Variants in TEKT1 observed in about 807,000 individuals in gnomAD.
TEKT1 encodes the protein tektin 1.
A neutral mutation model predicts 34.8 loss-of-function variants in TEKT1; 32 were observed. The ratio of observed to expected loss-of-function variants is 0.92; its 90% CI spans 0.69 to 1.23. TEKT1 has a LOEUF of 1.23. Ranked by LOEUF, TEKT1 falls within the 50% of genes most tolerant of loss-of-function variation. The pLI is 0.00. For synonymous variants in TEKT1, 207 were observed against 199.8 expected (o/e 1.04, Z -0.30); for missense variants, 492 against 518.5 (o/e 0.95, Z 0.50).
At chr17:6,813,551 GACACACAC>G (rs34316443) in intron 5 of TEKT1, among the ~76,000 whole-genome samples, 119 of 135,178 alleles carry the variant, frequency 8.8e-4, no homozygotes, top group Middle Eastern at 3.7e-3. Context: ...GAAGAAACCA[GACACACAC>G]ACACACACAC....
At chr17:6,823,892 G>A (rs977344537) in intron 2 of TEKT1, among the ~76,000 whole-genome samples, 4 of 143,630 alleles carry the variant, frequency 2.8e-5, no homozygotes, top group South Asian at 2.2e-4. Context: ...GCGCTATCTC[G>A]GCTCACTGCA....
rs1036964928 is a variant in TEKT1 at position 6,811,729 on chromosome 17, C to T, written c.852+1102G>A. 4.6e-5 allele frequency among the ~76,000 whole-genome samples: 7 copies of T among 152,160 alleles called. No homozygotes were observed. Among genetic ancestry groups the T allele is most frequent in the African/African-American group, 1.4e-4 (6 of 41,450 alleles). ...GAGAAGGCCTGGGCTCCACTCCCAC[C>T]GTGCCGCCTTGGGGCCCTTCCCCTC... On this transcript the variant is annotated intron_variant, in intron 6 of 7. Coordinates refer to ENST00000338694, the MANE Select transcript of TEKT1 (RefSeq NM_053285.2). The surrounding 1 kb of genome is among the most constrained non-coding windows in gnomAD (Gnocchi z 4.4).
At chr17:6,816,052 C>T in intron 3 of TEKT1, 90 bp from the exon 4 acceptor site, 1 of 1,534,582 alleles carries the variant, frequency 6.5e-7, no homozygotes, top group Non-Finnish European at 8.8e-7. Flanking sequence ...GAACTATCTG[C>T]ACGACTGATT....
chr17:6,819,142 G>C (rs773668570), intron 3 of TEKT1, 51 bp downstream of exon 3: 12 of 1,578,868 alleles, frequency 7.6e-6, no homozygotes, highest in Admixed American at 3.6e-5. Context: ...TTACTACCCA[G>C]CATCTCATTT....
rs1567679582 is a variant in TEKT1, at chr17:6,815,827, G to A, written c.485+7C>T. On this transcript the variant is annotated splice_region_variant and intron_variant, in intron 4 of 7. Coordinates refer to ENST00000338694, the MANE Select transcript of TEKT1 (RefSeq NM_053285.2). ...GGAGATTTGGAGGGCAGGCCGAAGA[G>A]TCATACCGAATCTGCTCGGAAGCCT... The A allele has an allele frequency of 1.2e-6, 2 of 1,614,118 alleles. No individual in the cohort carries two copies. Among genetic ancestry groups the A allele is most frequent in the Non-Finnish European group, 1.7e-6 (2 of 1,180,020 alleles).
At chr17:6,816,973 T>C (rs1487242866) in intron 3 of TEKT1, among the ~76,000 whole-genome samples, 2 of 152,220 alleles carry the variant, frequency 1.3e-5, no homozygotes, top group African/African-American at 4.8e-5. Flanking sequence ...TGCAGCCAGA[T>C]GGACTTTTTT....
Position 6,828,304 on chromosome 17 carries a change from G to T in TEKT1, c.190+1883C>A, listed in dbSNP as rs116701514. Among the ~76,000 whole-genome samples the T allele has an allele frequency of 5.1e-3, 780 of 152,156 alleles. 8 individuals are homozygous for T. Among genetic ancestry groups the T allele is most frequent in the African/African-American group, 0.017 (710 of 41,530 alleles). ...TTATTTAGAACAGGCCTATCTACAG[G>T]GTGGTATCAATGTAAGGGTCAACCT... On this transcript the variant is annotated intron_variant, in intron 2 of 7. Coordinates refer to ENST00000338694, the MANE Select transcript of TEKT1 (RefSeq NM_053285.2).
chr17:6,826,772 T>A (rs1157707942), intron 2 of TEKT1, among the ~76,000 whole-genome samples: 1 of 151,790 alleles, frequency 6.6e-6, no homozygotes, highest in Non-Finnish European at 1.5e-5. Flanking sequence ...CTCACGTCAC[T>A]GCAAGTTCCG....
chr17:6,810,205 G>T (rs1394423716), intron 6 of TEKT1, among the ~76,000 whole-genome samples: 1 of 152,146 alleles, frequency 6.6e-6, no homozygotes, highest in African/African-American at 2.4e-5. Flanking sequence ...GTTTTAATTT[G>T]CAATTCCCTA....
chr17:6,825,250 T>C (rs1157237214), intron 2 of TEKT1, among the ~76,000 whole-genome samples: 1 of 152,192 alleles, frequency 6.6e-6, no homozygotes, highest in African/African-American at 2.4e-5. Flanking sequence ...GAAGACTAAG[T>C]GATCATTAGA....
In TEKT1 at chr17:6,815,863, A is replaced by C. The variant is rs1976998216; in HGVS notation, c.456T>G (p.Arg152=). The C allele has an allele frequency of 6.2e-7, 1 of 1,614,098 alleles. No homozygotes were observed. Among genetic ancestry groups the C allele is most frequent in the Non-Finnish European group, 8.5e-7 (1 of 1,180,040 alleles). ...IIQGIMALLT[R]TLEEASEQIR... ...TCTGCTCGGAAGCCTCCTCCAAGGT[A>C]CGGGTCAGCAGAGCCATAATGCCCT... is the stretch of plus-strand genomic sequence containing the variant. Residue 152 remains arginine (R), a synonymous_variant, in exon 4 of 8, where the codon CGT becomes CGG. Coordinates refer to ENST00000338694, the MANE Select transcript of TEKT1 (RefSeq NM_053285.2).
rs571561395 is a variant in TEKT1 at position 6,800,843 on chromosome 17, T to C, written c.953A>G (p.Glu318Gly). ...GPAKVAHTRL[E>G]TRTHRPNVEL... ...CACGTTCGGCCGGTGTGTCCTGGTCTCCAAGCGCGTATGAGCCACCTTGGC... is the reference window on the plus strand; with the variant it reads ...CACGTTCGGCCGGTGTGTCCTGGTCCCCAAGCGCGTATGAGCCACCTTGGC... Residue 318 changes from glutamate to glycine, a missense_variant, in exon 7 of 8, where the codon GAG becomes GGG. Glu to Gly is a moderately conservative substitution (Grantham distance 98). Transcript: ENST00000338694. 1 of 1,614,190 alleles carries C rather than the reference T, an allele frequency of 6.2e-7. No individual in the cohort carries two copies. The highest frequency in any genetic ancestry group is 8.5e-7 in the Non-Finnish European group (1 of 1,180,020).
chr17:6,804,755 G>T (rs1034055528), intron 6 of TEKT1, among the ~76,000 whole-genome samples: 24 of 152,274 alleles, frequency 1.6e-4, no homozygotes, highest in African/African-American at 5.5e-4. Context: ...TTATATGCTG[G>T]ATTATGTTTA....
At position 6,811,462 on chromosome 17, in the gene TEKT1, G is replaced by T. The variant is rs2151585122; in HGVS notation, c.852+1369C>A. Among the ~76,000 whole-genome samples the T allele has an allele frequency of 6.6e-6, 1 of 152,034 alleles. No homozygotes were observed. The highest frequency in any genetic ancestry group is 2.1e-4 in the South Asian group (1 of 4,812). ...AAACTAAGGAACAGGGGAGTTCAGG[G>T]TCTCCCTAAGGTCACACAGCAAGTG... On this transcript the variant is annotated intron_variant, in intron 6 of 7. Coordinates refer to ENST00000338694, the MANE Select transcript of TEKT1 (RefSeq NM_053285.2). The surrounding 1 kb of genome is among the most constrained non-coding windows in gnomAD (Gnocchi z 4.4).
At chr17:6,814,487 A>G (rs536224521) in intron 5 of TEKT1, among the ~76,000 whole-genome samples, 8 of 152,336 alleles carry the variant, frequency 5.3e-5, no homozygotes, top group African/African-American at 1.7e-4. Flanking sequence ...GTGAGTGCAC[A>G]TGTACATATG....
At chr17:6,819,781 A>G (rs1977060586) in intron 2 of TEKT1, among the ~76,000 whole-genome samples, 1 of 152,168 alleles carries the variant, frequency 6.6e-6, no homozygotes, top group Non-Finnish European at 1.5e-5. Flanking sequence ...TCTGCCTCCC[A>G]GGTTCATGCC....
At chr17:6,808,681 T>C (rs1976884558) in intron 6 of TEKT1, among the ~76,000 whole-genome samples, 1 of 152,168 alleles carries the variant, frequency 6.6e-6, no homozygotes, top group Non-Finnish European at 1.5e-5. Flanking sequence ...TCTAACAAAT[T>C]AGTAAAAAAA....
intron 7 of TEKT1, 26 bp from the exon 8 acceptor site, chr17:6,800,260 G>C (rs1050830912): frequency 6.2e-7 from 1 of 1,602,114 alleles, no homozygotes; most frequent in Non-Finnish European, 8.5e-7. Flanking sequence ...GAAGAGAAGA[G>C]AATAATTTCT....
At chr17:6,803,250 A>G (rs892629894) in intron 6 of TEKT1, among the ~76,000 whole-genome samples, 3 of 152,194 alleles carry the variant, frequency 2.0e-5, no homozygotes, top group Non-Finnish European at 4.4e-5. Context: ...GGCTGCATAA[A>G]TATCTTCTTT....
Sources: allele counts gnomAD v4.1 joint callset (sites outside exome capture counted in the v4.1 genomes callset), GRCh38; gene constraint gnomAD v4.1.1; non-coding constraint Gnocchi (gnomAD v3.1); transcripts MANE v1.5; gene names NCBI Gene and HGNC (gene_info 2026-07-23, HGNC 2026-07-21).